The following MALRD1 variants were observed in gnomAD, a reference collection of about 807,000 sequenced individuals.
MALRD1 encodes MAM and LDL receptor class A domain containing 1.
Under a neutral mutation model 242.1 loss-of-function variants are expected in MALRD1, and 247 were observed. The observed-to-expected ratio is 1.02, with a 90% CI of 0.92 to 1.13. The LOEUF (loss-of-function observed/expected upper bound fraction) is 1.13. Among genes scored for constraint, MALRD1 ranks in the 50% most tolerant of loss-of-function variants. The pLI is 0.00. For synonymous variants in MALRD1, 995 were observed against 866.6 expected, an observed-to-expected ratio of 1.15 and a Z score of -2.60; for missense variants, 2,989 against 2,533.1, an observed-to-expected ratio of 1.18 and a Z score of -3.86.
chr10:19,534,441 C>T (rs911047291), intron 32 of MALRD1, among the ~76,000 whole-genome samples: 4 of 152,168 alleles, frequency 2.6e-5, no homozygotes, highest in Non-Finnish European at 4.4e-5. Flanking sequence ...TGCTTTTTTA[C>T]AATCTCTAAT....
intron 29 of MALRD1, among the ~76,000 whole-genome samples, chr10:19,466,005 A>G (rs952346781): frequency 2.6e-5 from 4 of 152,338 alleles, no homozygotes; most frequent in Admixed American, 2.6e-4. Context: ...TTTTAAATAG[A>G]AAAATTTCCT....
intron 21 of MALRD1, among the ~76,000 whole-genome samples, chr10:19,294,703 A>G (rs910014327): frequency 2.0e-5 from 3 of 152,156 alleles, no homozygotes; most frequent in Non-Finnish European, 4.4e-5. Flanking sequence ...ATTTTGTTGG[A>G]TAATATAAGT....
At chr10:19,602,720 A>T (rs943269767) in intron 34 of MALRD1, among the ~76,000 whole-genome samples, 1 of 152,112 alleles carries the variant, frequency 6.6e-6, no homozygotes, top group African/African-American at 2.4e-5. Context: ...CAGTAATGGG[A>T]TGGCTGGGTC....
intron 32 of MALRD1, among the ~76,000 whole-genome samples, chr10:19,562,250 G>A (rs953306710): frequency 5.3e-5 from 8 of 152,040 alleles, no homozygotes; most frequent in Non-Finnish European, 7.4e-5. Context: ...AGCCAAGATC[G>A]CGCCACTGTA....
intron 10 of MALRD1, among the ~76,000 whole-genome samples, chr10:19,145,591 A>T (rs1195383853): frequency 6.6e-6 from 1 of 151,684 alleles, no homozygotes; most frequent in Non-Finnish European, 1.5e-5. Flanking sequence ...GATTGCATTC[A>T]GACATTGAAC....
chr10:19,079,481 G>C (rs2358293), intron 2 of MALRD1, among the ~76,000 whole-genome samples: 81,631 of 151,592 alleles, frequency 0.54, 22,156 homozygotes, highest in Middle Eastern at 0.6. Context: ...TGTGCCATAT[G>C]TATCTGTTAG....
At chr10:19,539,498 T>C (rs955396526) in intron 32 of MALRD1, among the ~76,000 whole-genome samples, 1 of 152,202 alleles carries the variant, frequency 6.6e-6, no homozygotes, top group African/African-American at 2.4e-5. Flanking sequence ...GCATATTATA[T>C]TTTTCAGTAT....
chr10:19,110,793 A>G (rs1343148942), intron 5 of MALRD1, among the ~76,000 whole-genome samples: 1 of 152,092 alleles, frequency 6.6e-6, no homozygotes, highest in African/African-American at 2.4e-5. Context: ...TAGTTTCTGC[A>G]GAGGTCAGGG....
chr10:19,590,636 ATAGT>A (rs1837726566), intron 33 of MALRD1, among the ~76,000 whole-genome samples: 1 of 152,096 alleles, frequency 6.6e-6, no homozygotes, highest in Admixed American at 6.6e-5. Context: ...AGATCAATAA[ATAGT>A]TAGATATCTC....
intron 38 of MALRD1, among the ~76,000 whole-genome samples, chr10:19,713,332 A>T (rs1165510675): frequency 2.0e-5 from 3 of 152,346 alleles, no homozygotes; most frequent in East Asian, 3.9e-4. Flanking sequence ...CCATATCCAG[A>T]TAAGACCAAA....
Position 19,389,503 on chromosome 10 carries a change from C to A in MALRD1, c.4739C>A (p.Ala1580Glu). 3 of 1,549,358 alleles carry A rather than the reference C, an allele frequency of 1.9e-6. No individual in the cohort carries two copies. Among genetic ancestry groups the A allele is most frequent in the Non-Finnish European group, 2.6e-6 (3 of 1,146,940 alleles). ...ATAVGLRGDKAHFRSTMWRES... is the reference protein window; with the variant it reads ...ATAVGLRGDKEHFRSTMWRES... ...GCAGTGGGCCTTCGGGGTGACAAAGCACACTTCAGGAGTACCATGTGGCGA... is the reference window on the plus strand; with the variant it reads ...GCAGTGGGCCTTCGGGGTGACAAAGAACACTTCAGGAGTACCATGTGGCGA... The change falls in exon 28 of 40, where the codon GCA becomes GAA. Residue 1580 changes from alanine to glutamate, a missense_variant. By Grantham distance (107) the Ala-to-Glu change is moderately radical. Coordinates refer to ENST00000454679, the MANE Select transcript of MALRD1 (RefSeq NM_001142308.3).
At chr10:19,202,052 G>T (rs1359991561) in intron 14 of MALRD1, among the ~76,000 whole-genome samples, 1 of 152,052 alleles carries the variant, frequency 6.6e-6, no homozygotes, top group Non-Finnish European at 1.5e-5. Context: ...TTGACCTTGT[G>T]ATCAGACTGC....
chr10:19,562,316 GATA>G (rs1836009053), intron 32 of MALRD1, among the ~76,000 whole-genome samples: 1 of 138,466 alleles, frequency 7.2e-6, no homozygotes, highest in South Asian at 2.1e-4. Flanking sequence ...TAGATAGATA[GATA>G]GATAGATAGA....
chr10:19,472,998 C>G (rs971532127), intron 29 of MALRD1, among the ~76,000 whole-genome samples: 42 of 150,948 alleles, frequency 2.8e-4, no homozygotes, highest in African/African-American at 9.4e-4. Context: ...ATATCCTAGA[C>G]AATAATATTT....
chr10:19,371,863 A>G lies in MALRD1; in HGVS notation c.4442-15665A>G, dbSNP rs143138519. Among the ~76,000 whole-genome samples the G allele has an allele frequency of 2.8e-3, 424 of 152,294 alleles. 2 individuals are homozygous for G. The highest frequency in any genetic ancestry group is 9.6e-3 in the African/African-American group (398 of 41,570). ...TAATTGGTTAATTGCTTTGTTTACT[A>G]CCTGGGTCATAGTTGGAGCTCAGTA... On this transcript the variant is annotated intron_variant, in intron 26 of 39. Transcript: ENST00000454679.
intron 29 of MALRD1, among the ~76,000 whole-genome samples, chr10:19,464,343 G>T (rs1836113673): frequency 6.6e-6 from 1 of 152,134 alleles, no homozygotes; most frequent in Non-Finnish European, 1.5e-5. Context: ...ATAGCTTCAG[G>T]TCTTAGATTT....
intron 29 of MALRD1, chr10:19,488,829 C>A: frequency 2.9e-6 from 1 of 345,724 alleles, no homozygotes; most frequent in Non-Finnish European, 5.8e-6. Context: ...TGTGGCCATG[C>A]AAAGAAGTCA....
intron 28 of MALRD1, among the ~76,000 whole-genome samples, chr10:19,420,338 T>G (rs929572264): frequency 2.6e-5 from 4 of 152,130 alleles, no homozygotes; most frequent in Non-Finnish European, 5.9e-5. Context: ...CGAAAAACGT[T>G]GCTGTATGAA....
At chr10:19,396,897 T>C (rs188382052) in intron 28 of MALRD1, among the ~76,000 whole-genome samples, 33 of 152,330 alleles carry the variant, frequency 2.2e-4, no homozygotes, top group Non-Finnish European at 3.5e-4. Context: ...TTATTCCTTA[T>C]CGTATTTAAT....
Sources: gnomAD v4.1 joint callset for allele counts (sites outside exome capture counted in the v4.1 genomes callset) on GRCh38, gnomAD v4.1.1 for gene constraint, MANE v1.5 for transcripts, NCBI Gene and HGNC (gene_info 2026-07-23, HGNC 2026-07-21) for gene names.